The following RYR3 variants were observed in gnomAD, a reference collection of about 807,000 sequenced individuals.
The protein encoded by RYR3 is ryanodine receptor 3.
A neutral mutation model predicts 584.3 loss-of-function variants in RYR3; 207 were observed. That is an observed-to-expected ratio of 0.35 (90% CI 0.32 to 0.40). RYR3 has a LOEUF of 0.40. Ranked by LOEUF, RYR3 falls within the 10% of genes least tolerant of loss-of-function variation. RYR3 has a pLI of 1.00. For missense variants in RYR3, 5,616 were observed against 6,089.2 expected (o/e 0.92, Z 2.59); for synonymous variants, 2,416 against 2,248.5 (o/e 1.07, Z -2.11).
At chr15:33,643,258 C>T (rs1189356099) in intron 27 of RYR3, among the ~76,000 whole-genome samples, 3 of 152,184 alleles carry the variant, frequency 2.0e-5, no homozygotes, top group East Asian at 1.9e-4. Flanking sequence ...CCCTTCCAGG[C>T]GCTCTCTGCA....
chr15:33,435,614 T>G (rs1381465803), intron 1 of RYR3, among the ~76,000 whole-genome samples: 1 of 152,190 alleles, frequency 6.6e-6, no homozygotes, highest in Non-Finnish European at 1.5e-5. Flanking sequence ...ATTTATTCCT[T>G]CTCATGGGTT....
chr15:33,380,281 G>A (rs983782340), intron 1 of RYR3, among the ~76,000 whole-genome samples: 2 of 152,176 alleles, frequency 1.3e-5, no homozygotes, highest in Non-Finnish European at 2.9e-5. Context: ...TTATAAAGGG[G>A]CTCCCAGTGC....
chr15:33,327,696 GC>G (rs1043368869), intron 1 of RYR3, among the ~76,000 whole-genome samples: 1 of 151,990 alleles, frequency 6.6e-6, no homozygotes, highest in African/African-American at 2.4e-5. Context: ...GAAGTTGCCT[GC>G]CTGCCTGCCT....
intron 42 of RYR3, among the ~76,000 whole-genome samples, chr15:33,703,601 A>G (rs181400977): frequency 2.0e-5 from 3 of 152,180 alleles, no homozygotes; most frequent in Admixed American, 2.0e-4. Context: ...TACAGCCCCT[A>G]TATCCAAATA....
rs75163951 is a variant in RYR3, at chr15:33,397,236, G to A, written c.52-76183G>A. Reference sequence around the variant, plus strand: ...AGGAACTTTGAAGGAGGAGGGGTAGGGATAGGACTTTATGCTGAACAGGTT... The same window carrying A: ...AGGAACTTTGAAGGAGGAGGGGTAGAGATAGGACTTTATGCTGAACAGGTT... On this transcript the variant is annotated intron_variant, in intron 1 of 103. Coordinates refer to ENST00000634891, the MANE Select transcript of RYR3 (RefSeq NM_001036.6). 1.7e-3 allele frequency among the ~76,000 whole-genome samples: 266 copies of A among 152,306 alleles called. 7 individuals are homozygous for A. The East Asian group carries it at 0.041, about 24-fold the overall frequency.
chr15:33,727,341 G>A (rs1364568186), intron 46 of RYR3, among the ~76,000 whole-genome samples: 3 of 152,168 alleles, frequency 2.0e-5, no homozygotes, highest in African/African-American at 4.8e-5. Context: ...GATTCCAACC[G>A]TTGTCATGTT....
chr15:33,681,105 C>T (rs2064574032), intron 38 of RYR3, among the ~76,000 whole-genome samples: 1 of 152,200 alleles, frequency 6.6e-6, no homozygotes, highest in African/African-American at 2.4e-5. Context: ...CTGCAATTTA[C>T]TCCAGCTGCC....
At chr15:33,685,637 A>G (rs1320501615) in intron 38 of RYR3, among the ~76,000 whole-genome samples, 1 of 152,254 alleles carries the variant, frequency 6.6e-6, no homozygotes, top group Non-Finnish European at 1.5e-5. Flanking sequence ...AACAGAATAT[A>G]CATTCTTCTC....
chr15:33,534,765 T>G (rs934195411), intron 5 of RYR3, among the ~76,000 whole-genome samples: 5 of 152,152 alleles, frequency 3.3e-5, no homozygotes, highest in Non-Finnish European at 4.4e-5. Flanking sequence ...GAAAACTACT[T>G]CGGAACATCA....
intron 27 of RYR3, among the ~76,000 whole-genome samples, chr15:33,641,069 C>T (rs1027737506): frequency 2.0e-5 from 3 of 152,154 alleles, no homozygotes; most frequent in Non-Finnish European, 2.9e-5. Context: ...GGGCCTGGAG[C>T]GTGTTGTGGT....
chr15:33,467,727 G>A (rs1463724266), intron 1 of RYR3, among the ~76,000 whole-genome samples: 1 of 152,208 alleles, frequency 6.6e-6, no homozygotes, highest in East Asian at 1.9e-4. Context: ...CACATAGCTT[G>A]GAGGGAGGCT....
At chr15:33,665,034 G>T (rs887054095) in intron 36 of RYR3, among the ~76,000 whole-genome samples, 2 of 152,160 alleles carry the variant, frequency 1.3e-5, no homozygotes, top group African/African-American at 4.8e-5. Context: ...CACACAAAAT[G>T]CACAAGTGTG....
intron 1 of RYR3, chr15:33,467,356 C>A: frequency 3.8e-6 from 1 of 264,982 alleles, no homozygotes; most frequent in Non-Finnish European, 5.8e-6. Context: ...GGCTGTCAGC[C>A]ATTTTGTTTT....
intron 2 of RYR3, among the ~76,000 whole-genome samples, chr15:33,475,555 A>G (rs1188905569): frequency 2.0e-5 from 3 of 151,992 alleles, no homozygotes; most frequent in Non-Finnish European, 4.4e-5. Flanking sequence ...AGTAATCCTC[A>G]CTCACCTCCT....
In RYR3 at chr15:33,644,332, T is replaced by A; in HGVS notation, c.3578T>A (p.Leu1193Gln). 1 of 1,612,144 alleles carries A rather than the reference T, an allele frequency of 6.2e-7. No individual in the cohort carries two copies. ...IENGFVPICC[L>Q]GLSQIGRMNL... ...GCAGGCTTCGTGCCCATCTGCTGTC[T>A]GGGTCTATCTCAGATCGGCCGCATG... The change falls in exon 28 of 104, where the codon CTG (leucine) becomes CAG (glutamine). Residue 1193 changes from leucine to glutamine, a missense_variant. Around this residue, in one of 9 missense-constraint regions of RYR3, gnomAD observed 152 missense variants for 200.9 expected, o/e 0.76. Transcript: ENST00000634891.
chr15:33,464,645 G>A (rs981192085), intron 1 of RYR3, among the ~76,000 whole-genome samples: 5 of 150,298 alleles, frequency 3.3e-5, no homozygotes, highest in East Asian at 3.9e-4. Flanking sequence ...TTTATTTAAG[G>A]TATCAACTTG....
chr15:33,473,813 C>T (rs984735129), intron 2 of RYR3, among the ~76,000 whole-genome samples: 3 of 152,092 alleles, frequency 2.0e-5, no homozygotes, highest in Non-Finnish European at 2.9e-5. Flanking sequence ...CAGTGCTGAC[C>T]GAGGAGGTCT....
intron 27 of RYR3, among the ~76,000 whole-genome samples, chr15:33,637,266 G>C (rs572666555): frequency 1.3e-5 from 2 of 152,212 alleles, no homozygotes; most frequent in African/African-American, 4.8e-5. Flanking sequence ...CTCCCAAGGA[G>C]TATCTGTTTG....
intron 70 of RYR3, among the ~76,000 whole-genome samples, chr15:33,809,570 C>T (rs1032514786): frequency 4.0e-5 from 6 of 150,604 alleles, no homozygotes; most frequent in African/African-American, 1.5e-4. Context: ...TTCCCTGGGG[C>T]TGCTATTGTG....
Sources: gnomAD v4.1 joint callset for allele counts (sites outside exome capture counted in the v4.1 genomes callset) on GRCh38, gnomAD v4.1.1 for gene constraint, gnomAD v4.1.1 regional missense constraint, MANE v1.5 for transcripts, NCBI Gene and HGNC (gene_info 2026-07-23, HGNC 2026-07-21) for gene names.